The following DHRS4L2 variants were observed in gnomAD, a reference collection of about 807,000 sequenced individuals.
DHRS4L2 encodes the protein dehydrogenase/reductase 4 like 2.
Under a neutral mutation model 23.9 loss-of-function variants are expected in DHRS4L2, and 22 were observed. That is an observed-to-expected ratio of 0.92 (90% confidence interval 0.66 to 1.31). DHRS4L2 has a LOEUF of 1.31. DHRS4L2 is among the 40% of genes most tolerant of loss of function. DHRS4L2 has a pLI of 0.00. For missense variants in DHRS4L2, 385 were observed against 303.3 expected (o/e 1.27, Z -2.00); for synonymous variants, 141 against 123.7 (o/e 1.14, Z -0.93).
At chr14:23,991,502 A>T (rs2034268730) in intron 2 of DHRS4L2, among the ~76,000 whole-genome samples, 1 of 151,758 alleles carries the variant, frequency 6.6e-6, no homozygotes, top group Non-Finnish European at 1.5e-5. Context: ...TTCACTTAAC[A>T]TGGCCTACAG....
Position 23,994,113 on chromosome 14 carries a change from C to T in DHRS4L2, c.307-919C>T, listed in dbSNP as rs545462527. The stretch of plus-strand genomic sequence containing the variant: ...CTGGAATAGATGATCTCAAAGGCCC[C>T]TCCAGGGTAACTTTCTTCAGCTCTA... On this transcript the variant is annotated intron_variant, in intron 2 of 7. Coordinates refer to ENST00000335125, the MANE Select transcript of DHRS4L2 (RefSeq NM_198083.4). 4.3e-4 allele frequency among the ~76,000 whole-genome samples: 65 copies of T among 151,836 alleles called. 2 individuals carry two copies. The highest frequency in any genetic ancestry group is 1.0e-3 in the Admixed American group (16 of 15,254).
At chr14:23,993,523 G>A (rs1223889810) in intron 2 of DHRS4L2, among the ~76,000 whole-genome samples, 1 of 151,526 alleles carries the variant, frequency 6.6e-6, no homozygotes, top group East Asian at 1.9e-4. Flanking sequence ...CTTGCCCAAG[G>A]CATCAAAATT....
intron 7 of DHRS4L2, among the ~76,000 whole-genome samples, chr14:24,005,567 T>C (rs1388932259): frequency 6.6e-6 from 1 of 152,122 alleles, no homozygotes; most frequent in Admixed American, 6.5e-5. Context: ...ACCATTTTTT[T>C]GAAGTATGAA....
upstream of DHRS4L2, among the ~76,000 whole-genome samples, chr14:23,988,332 C>G (rs1332466352): frequency 6.8e-6 from 1 of 147,924 alleles, no homozygotes; most frequent in Admixed American, 6.9e-5. Flanking sequence ...TGCCAATGAC[C>G]GTAGTCTGCC....
intron 1 of DHRS4L2, among the ~76,000 whole-genome samples, chr14:23,983,479 C>A (rs2034087773): frequency 6.6e-6 from 1 of 151,608 alleles, no homozygotes. Context: ...GTGACCATTC[C>A]TCAAAGACCT....
At chr14:23,973,370 C>A (rs1240562244) in intron 1 of DHRS4L2, among the ~76,000 whole-genome samples, 1 of 151,908 alleles carries the variant, frequency 6.6e-6, no homozygotes, top group Non-Finnish European at 1.5e-5. Flanking sequence ...GCCTCTCCCT[C>A]CACACCTCCC....
chr14:23,988,513 C>T, upstream of DHRS4L2, among the ~76,000 whole-genome samples: 1 of 150,792 alleles, frequency 6.6e-6, no homozygotes, highest in East Asian at 2.0e-4. Context: ...AACATTTGCC[C>T]TCCTGTGGGC....
chr14:23,995,817 C>T (rs530422488), intron 3 of DHRS4L2, among the ~76,000 whole-genome samples: 4 of 151,850 alleles, frequency 2.6e-5, no homozygotes, highest in African/African-American at 7.2e-5. Flanking sequence ...GGTTAATATT[C>T]CCACATGATT....
At chr14:23,994,705 C>A (rs4982833) in intron 2 of DHRS4L2, among the ~76,000 whole-genome samples, 12,753 of 151,622 alleles carry the variant, frequency 0.084, 811 homozygotes, top group East Asian at 0.23. Flanking sequence ...AAGAAGCCAA[C>A]CTTAAATGGT....
At chr14:23,998,132 T>C in intron 3 of DHRS4L2, among the ~76,000 whole-genome samples, 1 of 151,964 alleles carries the variant, frequency 6.6e-6, no homozygotes, top group Non-Finnish European at 1.5e-5. Flanking sequence ...GTAACAGTTT[T>C]AAAGGAATCT....
At chr14:23,983,976 A>T (rs936636167), upstream of DHRS4L2, among the ~76,000 whole-genome samples, 14 of 151,528 alleles carry the variant, frequency 9.2e-5, no homozygotes, top group African/African-American at 3.4e-4. Flanking sequence ...GCACGTTTAT[A>T]CCTATATAAC....
In DHRS4L2 at chr14:23,970,883, G is replaced by A. The variant is rs1265250632; in HGVS notation, c.-176+551G>A. Among the ~76,000 whole-genome samples the A allele has an allele frequency of 3.3e-5, 5 of 151,958 alleles. 1 individual carries two copies. The highest frequency in any genetic ancestry group is 1.3e-4 in the Admixed American group (2 of 15,258). ...AACCCCCAAAGACCTGCAGCTGAGG[G>A]GCCTGTTAGAAGGAAAACTAACAAA... On this transcript the variant is annotated intron_variant, in intron 1 of 5. Transcript: ENST00000534993.
chr14:23,973,506 G>C (rs2033906789), intron 1 of DHRS4L2, among the ~76,000 whole-genome samples: 1 of 151,960 alleles, frequency 6.6e-6, no homozygotes, highest in African/African-American at 2.4e-5. Flanking sequence ...GGTGCCAAGA[G>C]TGAGCGAGGG....
chr14:23,984,064 AATT>A (rs1462919873), upstream of DHRS4L2, among the ~76,000 whole-genome samples: 1 of 151,618 alleles, frequency 6.6e-6, no homozygotes, highest in Non-Finnish European at 1.5e-5. Context: ...AAAAAAAAGA[AATT>A]AAAAAGAGTT....
chr14:23,972,530 T>C (rs941783501), intron 1 of DHRS4L2, among the ~76,000 whole-genome samples: 13 of 151,890 alleles, frequency 8.6e-5, no homozygotes, highest in African/African-American at 1.4e-4. Flanking sequence ...AGAACAAAGC[T>C]TCCACAGTGT....
rs376390545 is a variant in DHRS4L2 at position 23,974,415 on chromosome 14, T to G, written c.-176+4083T>G. ...ATGATGATCAGAGCAGAACTGAAGG[T>G]GATAGAGACATTAAAAAAAAAACCT... On this transcript the variant is annotated intron_variant, in intron 1 of 5. Coordinates refer to the DHRS4L2 transcript ENST00000534993. 6.0e-4 allele frequency among the ~76,000 whole-genome samples: 89 copies of G among 147,960 alleles called. 1 individual carries two copies. In the South Asian group the frequency reaches 0.019, roughly 31 times the overall value.
intron 1 of DHRS4L2, among the ~76,000 whole-genome samples, chr14:23,974,514 G>A (rs1397473110): frequency 1.3e-5 from 2 of 150,966 alleles, no homozygotes; most frequent in Non-Finnish European, 3.0e-5. Flanking sequence ...AGACTAATAA[G>A]GAAGAAAAGA....
intron 5 of DHRS4L2, 139 bp downstream of exon 5, chr14:24,001,223 C>A (rs1051536278): frequency 3.8e-6 from 6 of 1,579,834 alleles, no homozygotes; most frequent in Non-Finnish European, 5.2e-6. Context: ...TGCCTTGCCT[C>A]CACAAACCAT....
At chr14:23,980,993 A>G (rs1333081717) in intron 1 of DHRS4L2, among the ~76,000 whole-genome samples, 1 of 151,704 alleles carries the variant, frequency 6.6e-6, no homozygotes, top group African/African-American at 2.4e-5. Context: ...AGGGTATTCA[A>G]TTAGGAAAAG....
Sources: gnomAD v4.1 joint callset for allele counts (sites outside exome capture counted in the v4.1 genomes callset) on GRCh38, gnomAD v4.1.1 for gene constraint, MANE v1.5 for transcripts, NCBI Gene and HGNC (gene_info 2026-07-23, HGNC 2026-07-21) for gene names.